Variants in IL15RA observed in about 807,000 individuals in gnomAD.
IL15RA encodes the protein interleukin 15 receptor subunit alpha.
In IL15RA, 26 loss-of-function variants were observed where a neutral mutation model predicts 24.2. The observed-to-expected ratio is 1.07, with a 90% confidence interval of 0.79 to 1.49. IL15RA has a LOEUF of 1.49. Among genes scored for constraint, IL15RA ranks in the 40% most tolerant of loss-of-function variants. The pLI is 0.00. For synonymous variants in IL15RA, 166 were observed against 157.6 expected, an observed-to-expected ratio of 1.05 and a Z score of -0.40; for missense variants, 354 against 356.4, an observed-to-expected ratio of 0.99 and a Z score of 0.05.
chr10:5,963,876 C>T lies in IL15RA; in HGVS notation c.284-35G>A. The T allele has an allele frequency of 7.2e-7, 1 of 1,398,386 alleles. No individual in the cohort carries two copies. Among genetic ancestry groups the T allele is most frequent in the Non-Finnish European group, 9.7e-7 (1 of 1,026,312 alleles). The allele number at this position is 1,398,386 out of a possible 1,614,324, so 86.6% of individuals were successfully genotyped here. ...GGATAACCACATGGCACTTATGATC[C>T]TGAGCCTGGAACCTGGGCTGGCTTC... is the stretch of plus-strand genomic sequence containing the variant. On this transcript the variant is annotated intron_variant, in intron 2 of 6. Transcript: ENST00000379977. This position sits in a 1 kb window ranked among gnomAD's most constrained non-coding sequence, Gnocchi z 5.3.
rs1835548279 is a variant in IL15RA, at chr10:5,961,572, G to A, written c.383-1005C>T. 6.6e-6 allele frequency among the ~76,000 whole-genome samples: 1 copy of A among 152,262 alleles called. No individual in the cohort carries two copies. On this transcript the variant is annotated intron_variant, in intron 3 of 6. Coordinates refer to ENST00000379977, the MANE Select transcript of IL15RA (RefSeq NM_002189.4). The surrounding 1 kb of genome is among the most constrained non-coding windows in gnomAD (Gnocchi z 5.2). ...CTGCGTGTGAAACACGGGAAGCCTG[G>A]GCTCTGGCCTGAACTCTCCGGGCTG... is the stretch of plus-strand genomic sequence containing the variant.
rs558448644 is a variant in IL15RA at position 5,968,858 on chromosome 10, C to G, written c.89-2519G>C. 4 of 1,049,340 alleles carry G rather than the reference C, an allele frequency of 3.8e-6. No homozygotes were observed. Among genetic ancestry groups the G allele is most frequent in the East Asian group, 5.2e-5 (2 of 38,738 alleles). 65.0% of individuals were successfully genotyped at this position (1,049,340 alleles called of 1,614,324 possible). ...TGAGTCTCACGCAGGCCTCGTGTGT[C>G]TGGACCTCATGGTTGAAGCTTTCAG... On this transcript the variant is annotated intron_variant, in intron 1 of 6. Transcript: ENST00000379977. The surrounding 1 kb of genome is among the most constrained non-coding windows in gnomAD (Gnocchi z 5.4).
chr10:5,964,301 T>C lies in IL15RA; in HGVS notation c.284-460A>G, dbSNP rs1836120189. Among the ~76,000 whole-genome samples, 1 of 152,106 alleles carries C rather than the reference T, an allele frequency of 6.6e-6. No homozygotes were observed. The highest frequency in any genetic ancestry group is 1.5e-5 in the Non-Finnish European group (1 of 68,020). ...AGTCTCCTGAGTAGCTGGGACTACA[T>C]GTACGTGCCTCAATGCCCAGGTAAT... is the stretch of plus-strand genomic sequence containing the variant. On this transcript the variant is annotated intron_variant, in intron 2 of 6. Coordinates refer to ENST00000379977, the MANE Select transcript of IL15RA (RefSeq NM_002189.4). This position sits in a 1 kb window ranked among gnomAD's most constrained non-coding sequence, Gnocchi z 5.6.
In IL15RA at chr10:5,958,462, T is replaced by G. The variant is rs532257722; in HGVS notation, c.616+1292A>C. ...GTGCAGTGGTGTGATCACAGCTCAC[T>G]GCAACCTCTGCCTCCTGGGTTCCAG... On this transcript the variant is annotated intron_variant, in intron 5 of 6. Coordinates refer to ENST00000379977, the MANE Select transcript of IL15RA (RefSeq NM_002189.4). The surrounding 1 kb of genome is among the most constrained non-coding windows in gnomAD (Gnocchi z 4.3). 19 of 265,870 alleles carry G rather than the reference T, an allele frequency of 7.1e-5. 1 individual carries two copies. The Admixed American group carries it at 7.6e-4, about 11-fold the overall frequency. The allele number at this position is 265,870 out of a possible 1,614,324, so 16.5% of individuals were successfully genotyped here. A position where few individuals can be genotyped will look rare whatever the true frequency, so the allele number is the denominator to read the frequency against.
In IL15RA at chr10:5,964,931, G is replaced by A. The variant is rs8177779; in HGVS notation, c.284-1090C>T. ...GGAACAAGTCGGAGGCTTCCTCCCT[G>A]CCTTCCCTCTGCTGCCTGTGTGACT... On this transcript the variant is annotated intron_variant, in intron 2 of 6. Transcript: ENST00000379977. The surrounding 1 kb of genome is among the most constrained non-coding windows in gnomAD (Gnocchi z 5.6). Among the ~76,000 whole-genome samples, 3,026 of 152,326 alleles carry A rather than the reference G, an allele frequency of 0.02. 46 individuals are homozygous for A. Among genetic ancestry groups the A allele is most frequent in the Non-Finnish European group, 0.033 (2,239 of 68,012 alleles).
In IL15RA at chr10:5,964,807, C is replaced by T. The variant is rs1386142499; in HGVS notation, c.284-966G>A. On this transcript the variant is annotated intron_variant, in intron 2 of 6. Transcript: ENST00000379977. This position sits in a 1 kb window ranked among gnomAD's most constrained non-coding sequence, Gnocchi z 5.6. ...GTCCCAGGACTGGCAGAGTAAGACC[C>T]ACCGTGGTTCCCACAGATCCTGCTC... Among the ~76,000 whole-genome samples, 1 of 152,216 alleles carries T rather than the reference C, an allele frequency of 6.6e-6. No homozygotes were observed. Among genetic ancestry groups the T allele is most frequent in the African/African-American group, 2.4e-5 (1 of 41,450 alleles).
chr10:5,966,329 G>T lies in IL15RA; in HGVS notation c.99C>A (p.Cys33Ter). 1 of 1,606,180 alleles carries T rather than the reference G, an allele frequency of 6.2e-7. No individual in the cohort carries two copies. Among genetic ancestry groups the T allele is most frequent in the Non-Finnish European group, 8.5e-7 (1 of 1,173,250 alleles). Residue 33 changes from cysteine (C) to a stop codon, truncating the protein, a stop_gained, in exon 2 of 7, where the codon TGC becomes TGA. Coordinates refer to ENST00000379977, the MANE Select transcript of IL15RA (RefSeq NM_002189.4). LOFTEE classifies it high-confidence loss of function. The surrounding 1 kb of genome is among the most constrained non-coding windows in gnomAD (Gnocchi z 6.4). Reference sequence around the variant, plus strand: ...CGTGTTCCACGGACATGGGGGGAGGGCACGTGATGCCTGCGAAAGTGCAGA... The same window carrying T: ...CGTGTTCCACGGACATGGGGGGAGGTCACGTGATGCCTGCGAAAGTGCAGA... The part of the protein sequence containing the change: ...LRPPATRGIT[C>*]PPPMSVEHAD...
At chr10:5,977,615 T>C, upstream of IL15RA, 1 of 1,259,280 alleles carries the variant, frequency 7.9e-7, no homozygotes, top group South Asian at 3.0e-5. Flanking sequence ...CGCTTTTGCT[T>C]TGGCCCCCGA....
intron 6 of IL15RA, among the ~76,000 whole-genome samples, chr10:5,954,186 T>TTTTC (rs1554816722): frequency 1.6e-4 from 22 of 138,158 alleles, no homozygotes; most frequent in African/African-American, 2.8e-4. Flanking sequence ...TTTTTTTTTT[T>TTTTC]TCTGAGACAG....
chr10:5,976,670 C>T (rs954799830), intron 1 of IL15RA, among the ~76,000 whole-genome samples: 4 of 152,238 alleles, frequency 2.6e-5, no homozygotes, highest in Admixed American at 2.0e-4. Context: ...CTAGGAATCG[C>T]TCATTCCGTC....
At chr10:5,956,483 C>A (rs1295155658) in intron 5 of IL15RA, 29 bp from the exon 6 acceptor site, 1 of 1,533,110 alleles carries the variant, frequency 6.5e-7, no homozygotes, top group Non-Finnish European at 9.0e-7. Flanking sequence ...CGCTGAGATA[C>A]CCAGAAGCAC....
chr10:5,957,017 A>G (rs1355287731), intron 5 of IL15RA, among the ~76,000 whole-genome samples: 4 of 142,118 alleles, frequency 2.8e-5, no homozygotes, highest in Admixed American at 1.5e-4. Flanking sequence ...TGGAGTGCAG[A>G]GGCACTATCT....
chr10:5,949,468 G>A (rs537924248), downstream of IL15RA, among the ~76,000 whole-genome samples: 1 of 152,116 alleles, frequency 6.6e-6, no homozygotes, highest in Non-Finnish European at 1.5e-5. This position sits in a 1 kb window ranked among gnomAD's most constrained non-coding sequence, Gnocchi z 4.4. Context: ...GATTTGGGTC[G>A]GGCTGGTCCT....
In IL15RA at chr10:5,963,165, G is replaced by C. The variant is rs41309778; in HGVS notation, c.382+578C>G. 8.1e-3 allele frequency among the ~76,000 whole-genome samples: 1,240 copies of C among 152,298 alleles called. 29 individuals carry two copies. The highest frequency in any genetic ancestry group is 0.077 in the East Asian group (401 of 5,178). On this transcript the variant is annotated intron_variant, in intron 3 of 6. Coordinates refer to ENST00000379977, the MANE Select transcript of IL15RA (RefSeq NM_002189.4). The surrounding 1 kb of genome is among the most constrained non-coding windows in gnomAD (Gnocchi z 5.3). ...CTACAGCAAGCGCCTTGGAAGACGG[G>C]GACATGGTCTCCCCTGGAGCAGAGA...
In IL15RA at chr10:5,956,371, C is replaced by T. The variant is rs779123096; in HGVS notation, c.692+8G>A. ...ACTCTTGCAGAGGGAGTATCCAGTG[C>T]AACTCACCTTGACTTGAGGTAGCAT... On this transcript the variant is annotated splice_region_variant and intron_variant, in intron 6 of 6. Transcript: ENST00000379977. 1 of 1,607,040 alleles carries T rather than the reference C, an allele frequency of 6.2e-7. No homozygotes were observed. Among genetic ancestry groups the T allele is most frequent in the Non-Finnish European group, 8.5e-7 (1 of 1,173,612 alleles).
Position 5,973,134 on chromosome 10 carries a change from CCTT to C in IL15RA, c.88+4268_88+4270del, listed in dbSNP as rs1322004925. Among the ~76,000 whole-genome samples, 1 of 152,246 alleles carries C rather than the reference CCTT, an allele frequency of 6.6e-6. No individual in the cohort carries two copies. The highest frequency in any genetic ancestry group is 1.5e-5 in the Non-Finnish European group (1 of 68,050). ...GAAATGCTCTCTAAGAAGTCAGTGACCTTCTACCCAACATAATGGACGCCCCTG... is the reference window on the plus strand; with the variant it reads ...GAAATGCTCTCTAAGAAGTCAGTGACCTACCCAACATAATGGACGCCCCTG... On this transcript the variant is annotated intron_variant, in intron 1 of 6. Transcript: ENST00000379977. The surrounding 1 kb of genome is among the most constrained non-coding windows in gnomAD (Gnocchi z 4.5).
rs371140892 is a variant in IL15RA at position 5,966,186 on chromosome 10, G to A, written c.242C>T (p.Thr81Met). The change falls in exon 2 of 7, where the codon ACG becomes ATG. Residue 81 changes from threonine to methionine, a missense_variant. Thr to Met is a moderately conservative substitution (Grantham distance 81, BLOSUM62 -1). Transcript: ENST00000379977. The surrounding 1 kb of genome is among the most constrained non-coding windows in gnomAD (Gnocchi z 6.4). ...GGGGGTTGTCCAGTGGGCGACATTC[G>A]TGGCCTTGTTCAACACGCACTCCGT... ...SLTECVLNKA[T>M]NVAHWTTPSL... The A allele has an allele frequency of 3.5e-5, 56 of 1,613,002 alleles. 1 individual carries two copies. The African/African-American group carries it at 4.7e-4, about 13-fold the overall frequency.
downstream of IL15RA, among the ~76,000 whole-genome samples, chr10:5,950,388 T>C (rs1261669408): frequency 6.6e-6 from 1 of 152,194 alleles, no homozygotes; most frequent in African/African-American, 2.4e-5. This position sits in a 1 kb window ranked among gnomAD's most constrained non-coding sequence, Gnocchi z 5.6. Flanking sequence ...GAGTTCTGTG[T>C]ACTCTTTCCA....
chr10:5,977,872 G>C (rs544256207), upstream of IL15RA: 63 of 367,844 alleles, frequency 1.7e-4, 1 homozygote, highest in East Asian at 2.2e-3. Flanking sequence ...CGAAGAGAGT[G>C]GGCAAAGTCA....
Sources: gnomAD v4.1 joint callset for allele counts (sites outside exome capture counted in the v4.1 genomes callset) on GRCh38, gnomAD v4.1.1 for gene constraint, Gnocchi (gnomAD v3.1) non-coding constraint, MANE v1.5 for transcripts, NCBI Gene and HGNC (gene_info 2026-07-23, HGNC 2026-07-21) for gene names.